OR51I1: variants seen among roughly 807,000 people sequenced by gnomAD.
OR51I1 encodes olfactory receptor family 51 subfamily I member 1, also known as olfactory receptor 51I1.
In OR51I1, 5 loss-of-function variants were observed where a neutral mutation model predicts 6.9. The observed-to-expected ratio is 0.73, with a 90% CI of 0.38 to 1.52. The LOEUF (loss-of-function observed/expected upper bound fraction) is 1.52, where lower values mean the gene tolerates loss of function less well. OR51I1 is among the 40% of genes most tolerant of loss of function. The pLI is 0.03. For synonymous variants in OR51I1, 183 were observed against 140.3 expected (o/e 1.30, Z -2.15); for missense variants, 465 against 388.5 (o/e 1.20, Z -1.66).
At position 5,440,777 on chromosome 11, in the gene OR51I1, G is replaced by A; in HGVS notation, c.738C>T (p.His246=). Residue 246 remains histidine (H), a synonymous_variant, in exon 1 of 1, where the codon CAC becomes CAT. Transcript: ENST00000380211. The stretch of plus-strand genomic sequence containing the variant: ...CATAAAAGGCCAGCACTGCACAGAT[G>A]TGTGACATGCAGGTGTTGAGTGCCT... ...RLKALNTCMS[H]ICAVLAFYVP... 3 of 1,613,952 alleles carry A rather than the reference G, an allele frequency of 1.9e-6. No homozygotes were observed. The highest frequency in any genetic ancestry group is 1.1e-5 in the South Asian group (1 of 91,086).
chr11:5,440,919 ATGT>A lies in OR51I1; in HGVS notation c.593_595del (p.Asn198del). The A allele has an allele frequency of 1.2e-6, 2 of 1,613,916 alleles. No individual in the cohort carries two copies. The highest frequency in any genetic ancestry group is 1.3e-5 in the African/African-American group (1 of 75,056). Reference sequence around the variant, plus strand: ...AAAAATGATCACCAAGAGCCCATAAATGTTGTTAACATGGATGTCTCCACATGC... The same window carrying A: ...AAAAATGATCACCAAGAGCCCATAAATGTTAACATGGATGTCTCCACATGC... On this transcript the variant is annotated inframe_deletion, in exon 1 of 1. Coordinates refer to ENST00000380211, the MANE Select transcript of OR51I1 (RefSeq NM_001005288.3).
chr11:5,441,037 G>A lies in OR51I1; in HGVS notation c.478C>T (p.Pro160Ser). 1 of 1,613,916 alleles carries A rather than the reference G, an allele frequency of 6.2e-7. No individual in the cohort carries two copies. Among genetic ancestry groups the A allele is most frequent in the Non-Finnish European group, 8.5e-7 (1 of 1,179,884 alleles). ...ILTKSFTTLF[P>S]FPFVVKRLPF... ...AGTCGTTTCACCACAAAAGGGAAAGGGAAGAGAGTGGTGAAACTCTTGGTA... is the reference window on the plus strand; with the variant it reads ...AGTCGTTTCACCACAAAAGGGAAAGAGAAGAGAGTGGTGAAACTCTTGGTA... Residue 160 changes from proline (P) to serine (S), a missense_variant, in exon 1 of 1, where the codon CCT (proline) becomes TCT (serine). Pro to Ser is a moderately conservative substitution (Grantham distance 74). Transcript: ENST00000380211.
At position 5,441,350 on chromosome 11, in the gene OR51I1, A is replaced by C. The variant is rs1182056350; in HGVS notation, c.165T>G (p.Pro55=). Residue 55 remains proline (P), a synonymous_variant, in exon 1 of 1, where the codon CCT becomes CCG. Coordinates refer to ENST00000380211, the MANE Select transcript of OR51I1 (RefSeq NM_001005288.3). ...AGTAGTACATGGGCTGATGCAGAGC[A>C]GGCTCCCAAAACACCAGAGTGAGAA... ...LSILTLVFWE[P]ALHQPMYYFL... is the part of the protein sequence containing the mutation. 6.2e-7 allele frequency: 1 copy of C among 1,614,020 alleles called. No homozygotes were observed. The highest frequency in any genetic ancestry group is 1.1e-5 in the South Asian group (1 of 91,092).
Position 5,440,639 on chromosome 11 carries a change from G to C in OR51I1, c.876C>G (p.Ile292Met), listed in dbSNP as rs758039849. The change falls in exon 1 of 1, where the codon ATC becomes ATG. Residue 292 changes from isoleucine (I) to methionine (M), a missense_variant. Ile to Met is a conservative substitution (Grantham distance 10). Coordinates refer to ENST00000380211, the MANE Select transcript of OR51I1 (RefSeq NM_001005288.3). ...YLFVPPMLNPIIYSVKTKEIR... is the reference protein window; with the variant it reads ...YLFVPPMLNPMIYSVKTKEIR... ...TCTCCTTGGTTTTCACACTGTAGAT[G>C]ATAGGGTTGAGCATGGGTGGTACAA... 1.2e-6 allele frequency: 2 copies of C among 1,613,858 alleles called. No individual in the cohort carries two copies. Among genetic ancestry groups the C allele is most frequent in the Admixed American group, 1.7e-5 (1 of 59,976 alleles).
Position 5,440,597 on chromosome 11 carries a change from G to C in OR51I1, c.918C>G (p.Leu306=). ...AGGCCTGGGATTTATGGAAGAACTTGAGAATCCCTTTGCGGATCTCCTTGG... is the reference window on the plus strand; with the variant it reads ...AGGCCTGGGATTTATGGAAGAACTTCAGAATCCCTTTGCGGATCTCCTTGG... ...VKTKEIRKGI[L]KFFHKSQA Residue 306 remains leucine, a synonymous_variant, in exon 1 of 1, where the codon CTC becomes CTG. Transcript: ENST00000380211. 2 of 1,613,426 alleles carry C rather than the reference G, an allele frequency of 1.2e-6. No individual in the cohort carries two copies. Among genetic ancestry groups the C allele is most frequent in the Non-Finnish European group, 1.7e-6 (2 of 1,179,508 alleles).
rs747122118 is a variant in OR51I1 at position 5,441,133 on chromosome 11, T to C, written c.382A>G (p.Ile128Val). Residue 128 changes from isoleucine (I) to valine (V), a missense_variant, in exon 1 of 1, where the codon ATT (isoleucine) becomes GTT (valine). Physicochemically the swap from Ile to Val is conservative, Grantham distance 29. Transcript: ENST00000380211. ...GTGACATAGCGTAATGGATAACAAA[T>C]AGCCACAAAGCGATCCAAGCTCATG... ...LAMSLDRFVA[I>V]CYPLRYVTVL... 1.2e-6 allele frequency: 2 copies of C among 1,613,892 alleles called. No homozygotes were observed. Among genetic ancestry groups the C allele is most frequent in the Non-Finnish European group, 1.7e-6 (2 of 1,179,936 alleles).
Position 5,440,851 on chromosome 11 carries a change from A to G in OR51I1, c.664T>C (p.Leu222=). The change falls in exon 1 of 1, where the codon TTG becomes CTG. Residue 222 remains leucine, a synonymous_variant. Coordinates refer to ENST00000380211, the MANE Select transcript of OR51I1 (RefSeq NM_001005288.3). ...ATGACCAGCATGGCTCTCAGGATCA[A>G]TGCGTAGGAAAGCAGGATGAAAGTT... is the stretch of plus-strand genomic sequence containing the variant. ...DSTFILLSYA[L]ILRAMLVIIS... The G allele has an allele frequency of 6.2e-7, 1 of 1,613,866 alleles. No homozygotes were observed. The highest frequency in any genetic ancestry group is 1.7e-4 in the Middle Eastern group (1 of 6,058).
chr11:5,440,747 G>A lies in OR51I1; in HGVS notation c.768C>T (p.Pro256=), dbSNP rs1850668722. 1 of 1,613,954 alleles carries A rather than the reference G, an allele frequency of 6.2e-7. No individual in the cohort carries two copies. The highest frequency in any genetic ancestry group is 1.3e-5 in the African/African-American group (1 of 75,020). The change falls in exon 1 of 1, where the codon CCC becomes CCT. Residue 256 remains proline, a synonymous_variant. Transcript: ENST00000380211. Reference sequence around the variant, plus strand: ...GGTGAATCATGGAGACAGCAATTATGGGCACATAAAAGGCCAGCACTGCAC... The same window carrying A: ...GGTGAATCATGGAGACAGCAATTATAGGCACATAAAAGGCCAGCACTGCAC... ...HICAVLAFYV[P]IIAVSMIHRF...
Position 5,440,631 on chromosome 11 carries a change from C to G in OR51I1, c.884G>C (p.Ser295Thr), listed in dbSNP as rs76233016. The change falls in exon 1 of 1, where the codon AGT (serine) becomes ACT (threonine). Residue 295 changes from serine to threonine, a missense_variant. Transcript: ENST00000380211. ...VPPMLNPIIY[S>T]VKTKEIRKGI... is the part of the protein sequence containing the mutation. ...TTTGCGGATCTCCTTGGTTTTCACA[C>G]TGTAGATGATAGGGTTGAGCATGGG... 10,149 of 1,613,778 alleles carry G rather than the reference C, an allele frequency of 6.3e-3. 37 individuals are homozygous for G. Among genetic ancestry groups the G allele is most frequent in the Non-Finnish European group, 7.8e-3 (9,145 of 1,179,792 alleles).
chr11:5,441,409 G>C lies in OR51I1; in HGVS notation c.106C>G (p.Leu36Val). 6.2e-7 allele frequency: 1 copy of C among 1,613,938 alleles called. No homozygotes were observed. Among genetic ancestry groups the C allele is most frequent in the Non-Finnish European group, 8.5e-7 (1 of 1,179,880 alleles). Residue 36 changes from leucine to valine, a missense_variant, in exon 1 of 1, where the codon CTC becomes GTC. Physicochemically the swap from Leu to Val is conservative, Grantham distance 32. Transcript: ENST00000380211. ...TTACCTACAATGGAGATCATGTAGA[G>C]GATGCAGAAAATCAGGGCAACCCAG... Reference protein sequence around the residue: ...LTWVALIFCILYMISIVGNLS... With the variant: ...LTWVALIFCIVYMISIVGNLS...
In OR51I1 at chr11:5,440,766, A is replaced by G. The variant is rs762410237; in HGVS notation, c.749T>C (p.Val250Ala). 50 of 1,613,854 alleles carry G rather than the reference A, an allele frequency of 3.1e-5. No homozygotes were observed. Among genetic ancestry groups the G allele is most frequent in the Non-Finnish European group, 4.2e-5 (50 of 1,179,960 alleles). The change falls in exon 1 of 1, where the codon GTG (valine) becomes GCG (alanine). Residue 250 changes from valine to alanine, a missense_variant. Val to Ala is a moderately conservative substitution (Grantham distance 64). Transcript: ENST00000380211. ...LNTCMSHICA[V>A]LAFYVPIIAV... ...AATTATGGGCACATAAAAGGCCAGC[A>G]CTGCACAGATGTGTGACATGCAGGT...
At position 5,441,089 on chromosome 11, in the gene OR51I1, A is replaced by G. The variant is rs762270238; in HGVS notation, c.426T>C (p.Arg142=). 1.2e-6 allele frequency: 2 copies of G among 1,613,910 alleles called. No homozygotes were observed. Among genetic ancestry groups the G allele is most frequent in the African/African-American group, 2.7e-5 (2 of 74,902 alleles). ...LRYVTVLTHN[R]ILAMGLGILT... ...GGATGCCCAGACCCATAGCCAATAT[A>G]CGGTTGTGAGTGAGCACAGTGACAT... The change falls in exon 1 of 1, where the codon CGT becomes CGC. Residue 142 remains arginine, a synonymous_variant. Coordinates refer to ENST00000380211, the MANE Select transcript of OR51I1 (RefSeq NM_001005288.3).
Position 5,440,668 on chromosome 11 carries a change from G to C in OR51I1, c.847C>G (p.Leu283Val). The stretch of plus-strand genomic sequence containing the variant: ...GGGTTGAGCATGGGTGGTACAAACA[G>C]GTAGACATTGGACATCATGACATGA... Reference protein sequence around the residue: ...VVHVMMSNVYLFVPPMLNPII... With the variant: ...VVHVMMSNVYVFVPPMLNPII... The change falls in exon 1 of 1, where the codon CTG becomes GTG. Residue 283 changes from leucine to valine, a missense_variant. Transcript: ENST00000380211. 1 of 1,613,884 alleles carries C rather than the reference G, an allele frequency of 6.2e-7. No individual in the cohort carries two copies. The highest frequency in any genetic ancestry group is 8.5e-7 in the Non-Finnish European group (1 of 1,179,874).
rs2133775980 is a variant in OR51I1, at chr11:5,440,933, G to C, written c.582C>G (p.Ile194Met). ...PDLMKVACGD[I>M]HVNNIYGLLV... ...AGAGCCCATAAATGTTGTTAACATG[G>C]ATGTCTCCACATGCTACTTTCATGA... Residue 194 changes from isoleucine (I) to methionine (M), a missense_variant, in exon 1 of 1, where the codon ATC becomes ATG. By Grantham distance (10) the Ile-to-Met change is conservative (BLOSUM62 1). Coordinates refer to ENST00000380211, the MANE Select transcript of OR51I1 (RefSeq NM_001005288.3). 1 of 1,613,908 alleles carries C rather than the reference G, an allele frequency of 6.2e-7. No homozygotes were observed. The highest frequency in any genetic ancestry group is 8.5e-7 in the Non-Finnish European group (1 of 1,179,920).
Position 5,441,217 on chromosome 11 carries a change from G to C in OR51I1, c.298C>G (p.Leu100Val). 1 of 1,613,990 alleles carries C rather than the reference G, an allele frequency of 6.2e-7. No individual in the cohort carries two copies. The highest frequency in any genetic ancestry group is 8.5e-7 in the Non-Finnish European group (1 of 1,179,944). Residue 100 changes from leucine (L) to valine (V), a missense_variant, in exon 1 of 1, where the codon CTG becomes GTG. Physicochemically the swap from Leu to Val is conservative, Grantham distance 32. Coordinates refer to ENST00000380211, the MANE Select transcript of OR51I1 (RefSeq NM_001005288.3). ...NYNHVAFNAC[L>V]VQMFFIHTFS... ...GTGTGGATGAAGAACATCTGGACCA[G>C]GCAAGCATTAAACGCAACATGGTTG...
At position 5,441,069 on chromosome 11, in the gene OR51I1, C is replaced by G. The variant is rs1322176192; in HGVS notation, c.446G>C (p.Gly149Ala). 6.2e-7 allele frequency: 1 copy of G among 1,613,930 alleles called. No individual in the cohort carries two copies. Among genetic ancestry groups the G allele is most frequent in the East Asian group, 2.2e-5 (1 of 44,872 alleles). Reference sequence around the variant, plus strand: ...AGTGGTGAAACTCTTGGTAAGGATGCCCAGACCCATAGCCAATATACGGTT... The same window carrying G: ...AGTGGTGAAACTCTTGGTAAGGATGGCCAGACCCATAGCCAATATACGGTT... ...THNRILAMGL[G>A]ILTKSFTTLF... Residue 149 changes from glycine (G) to alanine (A), a missense_variant, in exon 1 of 1, where the codon GGC (glycine) becomes GCC (alanine). Coordinates refer to ENST00000380211, the MANE Select transcript of OR51I1 (RefSeq NM_001005288.3).
At position 5,440,919 on chromosome 11, in the gene OR51I1, A is replaced by T; in HGVS notation, c.596T>A (p.Ile199Asn). The T allele has an allele frequency of 6.2e-7, 1 of 1,613,916 alleles. No individual in the cohort carries two copies. The highest frequency in any genetic ancestry group is 8.5e-7 in the Non-Finnish European group (1 of 1,179,914). The change falls in exon 1 of 1, where the codon ATT (isoleucine) becomes AAT (asparagine). Residue 199 changes from isoleucine (I) to asparagine (N), a missense_variant. Physicochemically the swap from Ile to Asn is moderately radical, Grantham distance 149 (BLOSUM62 -3). Transcript: ENST00000380211. The stretch of plus-strand genomic sequence containing the variant: ...AAAAATGATCACCAAGAGCCCATAA[A>T]TGTTGTTAACATGGATGTCTCCACA... Reference protein sequence around the residue: ...VACGDIHVNNIYGLLVIIFTY... With the variant: ...VACGDIHVNNNYGLLVIIFTY...
In OR51I1 at chr11:5,441,216, AG is replaced by A; in HGVS notation, c.298del (p.Leu100TrpfsTer21). The A allele has an allele frequency of 2.5e-6, 4 of 1,614,024 alleles. No individual in the cohort carries two copies. In the South Asian group the frequency reaches 4.4e-5, roughly 18 times the overall value. On this transcript the variant is annotated frameshift_variant, in exon 1 of 1. Transcript: ENST00000380211. LOFTEE classifies it high-confidence loss of function. ...NYNHVAFNAC[L>X]VQMFFIHTFS... ...AGTGTGGATGAAGAACATCTGGACC[AG>A]GCAAGCATTAAACGCAACATGGTTG... is the stretch of plus-strand genomic sequence containing the variant.
rs867065145 is a variant in OR51I1 at position 5,441,301 on chromosome 11, C to G, written c.214G>C (p.Asp72His). ...AGTGTAGAAAAGGACACTCCCAGAT[C>G]ATTGAGAGCGAGCATAGAGAGGAAG... is the stretch of plus-strand genomic sequence containing the variant. ...YYFLSMLALN[D>H]LGVSFSTLPT... The change falls in exon 1 of 1, where the codon GAT becomes CAT. Residue 72 changes from aspartate (D) to histidine (H), a missense_variant. By Grantham distance (81) the Asp-to-His change is moderately conservative. Transcript: ENST00000380211. The G allele has an allele frequency of 6.2e-7, 1 of 1,613,912 alleles. No individual in the cohort carries two copies. Among genetic ancestry groups the G allele is most frequent in the Non-Finnish European group, 8.5e-7 (1 of 1,179,894 alleles).
Sources: gnomAD v4.1 joint callset for allele counts on GRCh38, gnomAD v4.1.1 for gene constraint, MANE v1.5 for transcripts, NCBI Gene and HGNC (gene_info 2026-07-23, HGNC 2026-07-21) for gene names.